Variants in PRMT3 observed in about 807,000 individuals in gnomAD.
The protein encoded by PRMT3 is protein arginine methyltransferase 3.
PRMT3 carries 62 observed loss-of-function variants against 71.9 expected under a neutral mutation model. The ratio of observed to expected loss-of-function variants is 0.86; its 90% confidence interval spans 0.70 to 1.07. The LOEUF (loss-of-function observed/expected upper bound fraction) is 1.07. Ranked by LOEUF, PRMT3 falls within the 50% of genes least tolerant of loss-of-function variation. The pLI is 0.00. For missense variants in PRMT3, 663 were observed against 643.0 expected (o/e 1.03, Z -0.34); for synonymous variants, 213 against 220.4 (o/e 0.97, Z 0.30).
intron 10 of PRMT3, among the ~76,000 whole-genome samples, chr11:20,446,374 T>A (rs1490354596): frequency 6.6e-6 from 1 of 151,528 alleles, no homozygotes; most frequent in African/African-American, 2.4e-5. Context: ...TTTTAACAAT[T>A]AGTATTCTTC....
intron 15 of PRMT3, among the ~76,000 whole-genome samples, chr11:20,504,449 C>G (rs1851531860): frequency 1.3e-5 from 2 of 152,058 alleles, no homozygotes; most frequent in Non-Finnish European, 2.9e-5. Flanking sequence ...TATTCTAGGT[C>G]CTTTATATTG....
chr11:20,471,154 C>T (rs1401403995), intron 13 of PRMT3, among the ~76,000 whole-genome samples: 3 of 151,978 alleles, frequency 2.0e-5, no homozygotes, highest in Non-Finnish European at 4.4e-5. Context: ...AAAAATCTCC[C>T]ATTCTGTAGG....
At chr11:20,425,304 A>G (rs1426066749) in intron 9 of PRMT3, among the ~76,000 whole-genome samples, 1 of 152,224 alleles carries the variant, frequency 6.6e-6, no homozygotes, top group Non-Finnish European at 1.5e-5. Flanking sequence ...ATTATTAACA[A>G]GGATGTGAAG....
chr11:20,423,438 G>C (rs1235061851), intron 9 of PRMT3, among the ~76,000 whole-genome samples: 1 of 152,120 alleles, frequency 6.6e-6, no homozygotes, highest in African/African-American at 2.4e-5. Context: ...CTGGAACACG[G>C]CTGGGCCTTT....
intron 13 of PRMT3, among the ~76,000 whole-genome samples, chr11:20,466,168 T>G (rs1352882626): frequency 1.3e-5 from 2 of 152,230 alleles, no homozygotes; most frequent in Non-Finnish European, 2.9e-5. Context: ...TTCTTAGTTT[T>G]CGACAACAGA....
intron 13 of PRMT3, among the ~76,000 whole-genome samples, chr11:20,486,823 G>A (rs748976246): frequency 1.5e-4 from 23 of 152,062 alleles, no homozygotes; most frequent in African/African-American, 5.3e-4. Flanking sequence ...TCGGCAGGGC[G>A]AAGCAGGCAG....
At chr11:20,476,143 A>G (rs1038487160) in intron 13 of PRMT3, among the ~76,000 whole-genome samples, 5 of 151,776 alleles carry the variant, frequency 3.3e-5, no homozygotes, top group East Asian at 2.0e-4. Flanking sequence ...TCAGGTCAAG[A>G]GTTCAAGACC....
At chr11:20,440,478 T>C (rs1457812635) in intron 10 of PRMT3, among the ~76,000 whole-genome samples, 4 of 70,738 alleles carry the variant, frequency 5.7e-5, no homozygotes, top group East Asian at 3.9e-4. Flanking sequence ...ACCCCATCTC[T>C]ACTAAAAATA....
intron 9 of PRMT3, among the ~76,000 whole-genome samples, chr11:20,425,503 A>G (rs1849526937): frequency 6.6e-6 from 1 of 152,246 alleles, no homozygotes; most frequent in Admixed American, 6.5e-5. Flanking sequence ...AGAATTACAT[A>G]CACAGGTGAA....
At chr11:20,430,507 TAAAC>T (rs1849632920) in intron 10 of PRMT3, among the ~76,000 whole-genome samples, 1 of 152,360 alleles carries the variant, frequency 6.6e-6, no homozygotes, top group East Asian at 1.9e-4. Flanking sequence ...TGTTATTTAA[TAAAC>T]AATCACTTGG....
In PRMT3 at chr11:20,404,223, T is replaced by TTGTTTTG. The variant is rs1565196809; in HGVS notation, c.771+1240_771+1241insGTTTTGT. The stretch of plus-strand genomic sequence containing the variant: ...GAGACTTTTCATAGTTTTTTTTTTT[T>TTGTTTTG]TTTTTTTTTTTTTTTTTTTTTTTTT... On this transcript the variant is annotated intron_variant, in intron 8 of 15. Transcript: ENST00000331079. 8.1e-3 allele frequency among the ~76,000 whole-genome samples: 679 copies of TTGTTTTG among 83,514 alleles called. 16 individuals carry two copies. Among genetic ancestry groups the TTGTTTTG allele is most frequent in the African/African-American group, 0.031 (647 of 20,608 alleles). The allele number at this position is 83,514 out of a possible 152,430, so 54.8% of individuals were successfully genotyped here.
intron 15 of PRMT3, among the ~76,000 whole-genome samples, chr11:20,502,772 AAG>A (rs1035661098): frequency 3.9e-5 from 6 of 152,202 alleles, no homozygotes; most frequent in African/African-American, 2.4e-5. Context: ...ATGTAAATGA[AAG>A]AGCAGCAACC....
At chr11:20,505,622 A>G (rs1169613693) in intron 15 of PRMT3, among the ~76,000 whole-genome samples, 1 of 152,206 alleles carries the variant, frequency 6.6e-6, no homozygotes, top group African/African-American at 2.4e-5. Flanking sequence ...TTTTGGTGTC[A>G]ATAAATAACT....
At chr11:20,475,118 T>C (rs1273002468) in intron 13 of PRMT3, among the ~76,000 whole-genome samples, 1 of 152,222 alleles carries the variant, frequency 6.6e-6, no homozygotes, top group Non-Finnish European at 1.5e-5. Flanking sequence ...TAGAATGTAC[T>C]ACTTGCCTGT....
At position 20,393,053 on chromosome 11, in the gene PRMT3, G is replaced by A. The variant is rs115780408; in HGVS notation, c.400+54G>A. ...AATTAACATAAGGCCGTTTGTTAAC[G>A]GCAAAATGGAGGTAGAGTGTTTTAG... On this transcript the variant is annotated intron_variant, in intron 5 of 15. Transcript: ENST00000331079. 1,795 of 1,125,382 alleles carry A rather than the reference G, an allele frequency of 1.6e-3. 22 individuals are homozygous for A. In the African/African-American group the frequency reaches 0.025, roughly 15 times the overall value. 69.7% of individuals were successfully genotyped at this position (1,125,382 alleles called of 1,614,324 possible).
chr11:20,473,330 G>A (rs1340169681), intron 13 of PRMT3, among the ~76,000 whole-genome samples: 2 of 151,804 alleles, frequency 1.3e-5, no homozygotes, highest in African/African-American at 2.4e-5. Context: ...TTAGGATGTC[G>A]ATTTGAGATC....
chr11:20,476,066 A>AAATAAAACG (rs1850775304), intron 13 of PRMT3, among the ~76,000 whole-genome samples: 3 of 151,684 alleles, frequency 2.0e-5, no homozygotes, highest in African/African-American at 7.3e-5. Flanking sequence ...CAAATAAAAC[A>AAATAAAACG]TGGCGGGGCA....
At chr11:20,423,197 C>A (rs2133346795) in intron 9 of PRMT3, among the ~76,000 whole-genome samples, 1 of 152,286 alleles carries the variant, frequency 6.6e-6, no homozygotes, top group African/African-American at 2.4e-5. Context: ...TTTTCCCAGA[C>A]CATCTAGGAC....
In PRMT3 at chr11:20,491,798, C is replaced by A. The variant is rs144140819; in HGVS notation, c.1348-2121C>A. ...TGGGTTTGGATCTCACCTGAAAATG[C>A]GTAATTTGGGGGTTAGGCTGAGACT... On this transcript the variant is annotated intron_variant, in intron 13 of 15. Coordinates refer to ENST00000331079, the MANE Select transcript of PRMT3 (RefSeq NM_005788.4). 6.2e-3 allele frequency among the ~76,000 whole-genome samples: 938 copies of A among 152,116 alleles called. 10 individuals are homozygous for A. Among genetic ancestry groups the A allele is most frequent in the Non-Finnish European group, 9.0e-3 (615 of 67,984 alleles).
Sources: gnomAD v4.1 joint callset for allele counts (sites outside exome capture counted in the v4.1 genomes callset) on GRCh38, gnomAD v4.1.1 for gene constraint, MANE v1.5 for transcripts, NCBI Gene and HGNC (gene_info 2026-07-23, HGNC 2026-07-21) for gene names.